IQCK: variants seen among roughly 807,000 people sequenced by gnomAD.
The protein encoded by IQCK is IQ domain-containing protein K.
A neutral mutation model predicts 28.1 loss-of-function variants in IQCK; 29 were observed. That is an observed-to-expected ratio of 1.03 (90% CI 0.77 to 1.41). IQCK has a LOEUF of 1.41. Ranked by LOEUF, IQCK falls within the 40% of genes most tolerant of loss-of-function variation. The pLI is 0.00. For synonymous variants in IQCK, 113 were observed against 115.1 expected (o/e 0.98, Z 0.12); for missense variants, 359 against 314.7 (o/e 1.14, Z -1.07).
intron 9 of IQCK, among the ~76,000 whole-genome samples, chr16:19,833,361 G>A (rs1044757151): frequency 4.6e-5 from 7 of 152,134 alleles, no homozygotes; most frequent in Admixed American, 1.3e-4. Flanking sequence ...AATACTCAGC[G>A]CTTCCCTAAT....
chr16:19,736,695 A>G (rs913182399), intron 4 of IQCK, among the ~76,000 whole-genome samples: 1 of 152,184 alleles, frequency 6.6e-6, no homozygotes, highest in African/African-American at 2.4e-5. Context: ...TGAGTGCTGC[A>G]TCTTCCATTA....
intron 6 of IQCK, among the ~76,000 whole-genome samples, chr16:19,768,218 G>T (rs770348002): frequency 2.6e-5 from 4 of 152,122 alleles, no homozygotes; most frequent in Non-Finnish European, 5.9e-5. Context: ...AAAGCTGGGA[G>T]CCCACAGCTG....
chr16:19,725,425 G>C (rs565636226), intron 1 of IQCK, among the ~76,000 whole-genome samples: 1 of 152,088 alleles, frequency 6.6e-6, no homozygotes, highest in Non-Finnish European at 1.5e-5. Flanking sequence ...TTGAACTCCC[G>C]GGCTCCAACA....
At chr16:19,734,257 G>A (rs1451971679) in intron 3 of IQCK, among the ~76,000 whole-genome samples, 1 of 152,126 alleles carries the variant, frequency 6.6e-6, no homozygotes, top group African/African-American at 2.4e-5. Context: ...AGCACTTTGG[G>A]AGGCTGAGGC....
chr16:19,722,585 A>G (rs1376281967), intron 1 of IQCK, among the ~76,000 whole-genome samples: 2 of 152,136 alleles, frequency 1.3e-5, no homozygotes, highest in African/African-American at 2.4e-5. Flanking sequence ...GCCAACTTGT[A>G]TCTACCAGGG....
chr16:19,750,464 G>T (rs1387492007), intron 4 of IQCK, among the ~76,000 whole-genome samples: 1 of 146,612 alleles, frequency 6.8e-6, no homozygotes, highest in African/African-American at 2.6e-5. Flanking sequence ...TGTTTTGTTT[G>T]TTTTTGTTTT....
intron 9 of IQCK, among the ~76,000 whole-genome samples, chr16:19,850,256 T>G (rs1050625898): frequency 1.3e-5 from 2 of 152,200 alleles, no homozygotes; most frequent in African/African-American, 4.8e-5. Context: ...ATCTTGACCC[T>G]GTAGAGTTTT....
chr16:19,723,669 C>T (rs1328003621), intron 1 of IQCK, among the ~76,000 whole-genome samples: 1 of 152,082 alleles, frequency 6.6e-6, no homozygotes, highest in Non-Finnish European at 1.5e-5. Context: ...AATGCAGCTT[C>T]CTGGCCGGGC....
chr16:19,785,620 T>C (rs1278248342), intron 6 of IQCK, among the ~76,000 whole-genome samples: 4 of 152,242 alleles, frequency 2.6e-5, no homozygotes. Context: ...TTTGTTTGCA[T>C]AGAAGTCTTT....
intron 1 of IQCK, among the ~76,000 whole-genome samples, chr16:19,723,008 G>A (rs1026909563): frequency 2.0e-5 from 3 of 152,152 alleles, no homozygotes; most frequent in South Asian, 2.1e-4. Flanking sequence ...TACCGCATCC[G>A]GCCTGCTTCC....
intron 4 of IQCK, 136 bp downstream of exon 4, chr16:19,735,586 C>T: frequency 2.8e-6 from 2 of 707,884 alleles, no homozygotes; most frequent in East Asian, 5.5e-5. Flanking sequence ...TGTTTGGGGT[C>T]ACTTACCCAG....
At chr16:19,850,600 A>G (rs934008739) in intron 9 of IQCK, among the ~76,000 whole-genome samples, 10 of 152,280 alleles carry the variant, frequency 6.6e-5, no homozygotes, top group East Asian at 1.9e-4. Flanking sequence ...ATGGTCATCT[A>G]TTGAAGCAAG....
At chr16:19,752,807 A>G (rs1205268185) in intron 4 of IQCK, among the ~76,000 whole-genome samples, 9 of 152,270 alleles carry the variant, frequency 5.9e-5, no homozygotes, top group South Asian at 2.1e-4. Context: ...CAAATGATCC[A>G]CTTGCCTCAG....
chr16:19,785,390 G>C (rs2055548848), intron 6 of IQCK, among the ~76,000 whole-genome samples: 1 of 152,182 alleles, frequency 6.6e-6, no homozygotes, highest in Admixed American at 6.5e-5. Flanking sequence ...TTGAGGAGCT[G>C]CCAAGTGCCA....
At chr16:19,805,254 T>G (rs2055819777) in intron 7 of IQCK, among the ~76,000 whole-genome samples, 1 of 152,130 alleles carries the variant, frequency 6.6e-6, no homozygotes, top group African/African-American at 2.4e-5. Flanking sequence ...GGCCAGCAGC[T>G]TGGTGTATGA....
chr16:19,764,844 CACACCTG>C (rs1420520558), intron 6 of IQCK, among the ~76,000 whole-genome samples: 2 of 149,658 alleles, frequency 1.3e-5, no homozygotes, highest in Non-Finnish European at 3.0e-5. Flanking sequence ...TGCCTGCCAC[CACACCTG>C]GCTAATTTTT....
intron 4 of IQCK, among the ~76,000 whole-genome samples, chr16:19,753,037 A>G (rs1044267619): frequency 6.6e-6 from 1 of 151,318 alleles, no homozygotes; most frequent in East Asian, 1.9e-4. Context: ...TATGTCCTAT[A>G]AGGCTCAAGT....
intron 7 of IQCK, among the ~76,000 whole-genome samples, chr16:19,811,480 C>T (rs1237610731): frequency 1.3e-5 from 2 of 152,058 alleles, no homozygotes; most frequent in East Asian, 1.9e-4. Context: ...GGGGAAATTC[C>T]GTCTTTTCCA....
chr16:19,810,272 G>A (rs1486751191), intron 7 of IQCK, among the ~76,000 whole-genome samples: 17 of 152,090 alleles, frequency 1.1e-4, no homozygotes, highest in East Asian at 3.9e-4. Flanking sequence ...CGAGGCGGGC[G>A]GATCACGAGG....
Sources: allele counts gnomAD v4.1 joint callset (sites outside exome capture counted in the v4.1 genomes callset), GRCh38; gene constraint gnomAD v4.1.1; transcripts MANE v1.5; gene names NCBI Gene and HGNC (gene_info 2026-07-23, HGNC 2026-07-21).